Variants in AFF2 observed in about 807,000 individuals in gnomAD.
AFF2 encodes the protein AF4/FMR2 family member 2.
In AFF2, 14 loss-of-function variants were observed where a neutral mutation model predicts 76.9. The observed-to-expected ratio is 0.18, with a 90% confidence interval of 0.12 to 0.28. The LOEUF (loss-of-function observed/expected upper bound fraction) is 0.28. Ranked by LOEUF, AFF2 falls within the 10% of genes least tolerant of loss-of-function variation. The probability of loss-of-function intolerance (pLI) is 1.00; values close to 1 mark genes in which losing one functional copy is unlikely to be tolerated. For synonymous variants in AFF2, 398 were observed against 366.7 expected, an observed-to-expected ratio of 1.09 and a Z score of -0.98; for missense variants, 868 against 1,001.1, an observed-to-expected ratio of 0.87 and a Z score of 1.79.
intron 8 of AFF2, among the ~76,000 whole-genome samples, chrX:148,900,818 A>G (rs1476141314): frequency 8.9e-6 from 1 of 112,280 alleles, no homozygotes; most frequent in Admixed American, 9.4e-5. Flanking sequence ...AGCACTTTCC[A>G]GACAGAAGCA....
At chrX:148,528,917 A>C (rs1481371666) in intron 1 of AFF2, among the ~76,000 whole-genome samples, 1 of 110,808 alleles carries the variant, frequency 9.0e-6, no homozygotes, top group African/African-American at 3.3e-5. Context: ...CATTCATACA[A>C]ATTTCTTTCA....
chrX:148,730,590 C>A (rs2055209160), intron 3 of AFF2, among the ~76,000 whole-genome samples: 1 of 112,887 alleles, frequency 8.9e-6, no homozygotes, highest in Non-Finnish European at 1.9e-5. Context: ...CTCCACAAAA[C>A]AAAACTGCAC....
chrX:148,923,511 T>G (rs1416077221), intron 9 of AFF2, among the ~76,000 whole-genome samples: 2 of 111,114 alleles, frequency 1.8e-5, no homozygotes, highest in Non-Finnish European at 3.8e-5. Context: ...ACTCTACTAC[T>G]GTTTGCAAAA....
intron 3 of AFF2, among the ~76,000 whole-genome samples, chrX:148,742,648 C>T (rs2055369999): frequency 1.8e-5 from 2 of 111,766 alleles, no homozygotes; most frequent in Admixed American, 1.9e-4. Flanking sequence ...AATTCTACCA[C>T]ATTGTTGGAA....
chrX:148,520,342 C>A (rs1233761079), intron 1 of AFF2, among the ~76,000 whole-genome samples: 1 of 111,798 alleles, frequency 8.9e-6, no homozygotes, highest in Non-Finnish European at 1.9e-5. Flanking sequence ...CCTTCATCAC[C>A]ACTCTCACTG....
chrX:148,983,498 A>G (rs963891087), intron 19 of AFF2, among the ~76,000 whole-genome samples: 1 of 111,989 alleles, frequency 8.9e-6, no homozygotes, highest in African/African-American at 3.2e-5. Flanking sequence ...CTGTGCAACA[A>G]ATGATGGCTG....
intron 1 of AFF2, among the ~76,000 whole-genome samples, chrX:148,504,578 A>C (rs2052387267): frequency 1.8e-5 from 2 of 112,971 alleles, no homozygotes; most frequent in African/African-American, 6.4e-5. Context: ...TGTTATATAA[A>C]TAGAAAGTTC....
intron 9 of AFF2, among the ~76,000 whole-genome samples, chrX:148,940,029 C>G (rs1557285432): frequency 9.0e-6 from 1 of 111,685 alleles, no homozygotes; most frequent in African/African-American, 3.3e-5. Context: ...CAGTGTTTTG[C>G]CCAAGTTTCT....
chrX:148,746,881 T>C (rs2055426486), intron 3 of AFF2, among the ~76,000 whole-genome samples: 2 of 112,182 alleles, frequency 1.8e-5, no homozygotes, highest in African/African-American at 6.5e-5. Flanking sequence ...AAACAGATTG[T>C]ACCAAAGCAT....
At chrX:148,980,836 A>G (rs782418843) in intron 19 of AFF2, 46 bp downstream of exon 19, 5 of 990,918 alleles carry the variant, frequency 5.0e-6, no homozygotes, top group Admixed American at 2.3e-5. Context: ...TGAGTGATTC[A>G]ATAGACCCCA....
Position 148,589,357 on chromosome X carries a change from A to G in AFF2, c.48-62642A>G, listed in dbSNP as rs1452357626. Among the ~76,000 whole-genome samples the G allele has an allele frequency of 4.5e-5, 5 of 111,829 alleles. No homozygotes were observed. The Admixed American group carries it at 4.7e-4, about 11-fold the overall frequency. On this transcript the variant is annotated intron_variant, in intron 1 of 20. Coordinates refer to ENST00000370460, the MANE Select transcript of AFF2 (RefSeq NM_002025.4). ...GCAGCATTTGGAATATGAATCTTGA[A>G]CTTCCAGGGACAATGCAGGACACCA...
chrX:148,666,206 A>G (rs1000855276), intron 3 of AFF2, among the ~76,000 whole-genome samples: 1 of 112,361 alleles, frequency 8.9e-6, no homozygotes, highest in Non-Finnish European at 1.9e-5. Flanking sequence ...TGTATCAACA[A>G]TAAGGATATT....
chrX:148,842,515 C>A (rs1237583652), intron 5 of AFF2, among the ~76,000 whole-genome samples: 2 of 112,142 alleles, frequency 1.8e-5, no homozygotes, highest in East Asian at 2.8e-4. Context: ...AAAAACTGGG[C>A]AGATCTATTA....
intron 3 of AFF2, among the ~76,000 whole-genome samples, chrX:148,779,670 A>G (rs1261617360): frequency 8.9e-6 from 1 of 111,815 alleles, no homozygotes; most frequent in African/African-American, 3.3e-5. Context: ...TCCTGAATAC[A>G]GCACACCAAT....
At chrX:148,883,068 A>G (rs1417876798) in intron 7 of AFF2, among the ~76,000 whole-genome samples, 1 of 111,506 alleles carries the variant, frequency 9.0e-6, no homozygotes, top group African/African-American at 3.3e-5. Context: ...AGTGCATTTC[A>G]TCTCCATGTT....
intron 3 of AFF2, among the ~76,000 whole-genome samples, chrX:148,761,319 C>T (rs1260315478): frequency 9.0e-6 from 1 of 110,822 alleles, no homozygotes; most frequent in African/African-American, 3.3e-5. Context: ...TATTATGTAA[C>T]ATTTTACAGA....
chrX:148,953,008 A>G (rs1225914859), intron 9 of AFF2, among the ~76,000 whole-genome samples: 2 of 111,150 alleles, frequency 1.8e-5, no homozygotes, highest in Admixed American at 1.9e-4. Flanking sequence ...CCAGGGTCCT[A>G]GGTGCTAGTC....
intron 3 of AFF2, among the ~76,000 whole-genome samples, chrX:148,699,443 A>G (rs1603279922): frequency 1.8e-5 from 2 of 111,574 alleles, no homozygotes; most frequent in East Asian, 5.6e-4. Flanking sequence ...GCAGTCAAGG[A>G]AAATGTAGGG....
At chrX:148,844,621 G>A (rs782465142) in intron 7 of AFF2, among the ~76,000 whole-genome samples, 1 of 111,475 alleles carries the variant, frequency 9.0e-6, no homozygotes, top group Non-Finnish European at 1.9e-5. Flanking sequence ...ACATTCAAGT[G>A]GCCTAATGGC....
Sources: gnomAD v4.1 joint callset for allele counts (sites outside exome capture counted in the v4.1 genomes callset) on GRCh38, gnomAD v4.1.1 for gene constraint, MANE v1.5 for transcripts, NCBI Gene and HGNC (gene_info 2026-07-23, HGNC 2026-07-21) for gene names.